Variants in FHL2 observed in about 807,000 individuals in gnomAD.
FHL2 encodes the protein four and a half LIM domains protein 2.
FHL2 carries 20 observed loss-of-function variants against 32.7 expected under a neutral mutation model. That is an observed-to-expected ratio of 0.61 (90% confidence interval 0.43 to 0.89). The LOEUF (loss-of-function observed/expected upper bound fraction) is 0.89, where lower values mean the gene tolerates loss of function less well. FHL2 is among the 40% of genes least tolerant of loss of function. The pLI is 0.00. For synonymous variants in FHL2, 123 were observed against 128.1 expected (o/e 0.96, Z 0.27); for missense variants, 311 against 358.6 (o/e 0.87, Z 1.07).
intron 2 of FHL2, 75 bp from the exon 3 acceptor site, chr2:105,386,615 C>T: frequency 7.7e-7 from 1 of 1,306,734 alleles, no homozygotes. Context: ...CATTAACTGT[C>T]CCACTGTCTG....
At chr2:105,359,752 G>C (rs532291442), downstream of FHL2, 1 of 152,296 alleles carries the variant, frequency 6.6e-6, no homozygotes, top group East Asian at 1.9e-4. Context: ...CAGAAACACT[G>C]AAGGCTCCCA....
intron 1 of FHL2, among the ~76,000 whole-genome samples, chr2:105,413,838 T>A (rs1683861559): frequency 6.6e-6 from 1 of 152,164 alleles, no homozygotes; most frequent in African/African-American, 2.4e-5. Flanking sequence ...TGACCCCAGA[T>A]GGGGGTAATT....
At chr2:105,399,298 G>T, upstream of FHL2, 1 of 1,535,832 alleles carries the variant, frequency 6.5e-7, no homozygotes. Context: ...CGTCGCCTCC[G>T]GCGTGGGCTC....
At chr2:105,366,217 GA>G (rs1019121245) in intron 5 of FHL2, among the ~76,000 whole-genome samples, 32 of 140,606 alleles carry the variant, frequency 2.3e-4, no homozygotes, top group East Asian at 6.2e-4. Context: ...CTCAAAAAAA[GA>G]AAAAAAAAAA....
chr2:105,406,713 A>C (rs1157249779), intron 1 of FHL2, among the ~76,000 whole-genome samples: 1 of 152,184 alleles, frequency 6.6e-6, no homozygotes, highest in African/African-American at 2.4e-5. Flanking sequence ...GAAAATGATG[A>C]GGTCAGGAAA....
intron 1 of FHL2, among the ~76,000 whole-genome samples, chr2:105,411,230 C>T (rs1683778691): frequency 6.6e-6 from 1 of 152,190 alleles, no homozygotes; most frequent in Admixed American, 6.5e-5. Context: ...GCGTCCTAAA[C>T]TGTAGATGCA....
chr2:105,428,576 C>A lies in FHL2; in HGVS notation c.-25+9823G>T, dbSNP rs1684331996. Among the ~76,000 whole-genome samples the A allele has an allele frequency of 2.0e-5, 3 of 152,340 alleles. No individual in the cohort carries two copies. The South Asian group carries it at 6.2e-4, about 32-fold the overall frequency. ...CTACTACCCTCTCCTGCGGACAGGC[C>A]CGCCCATGGCTGCCCCATGACCATG... On this transcript the variant is annotated intron_variant, in intron 1 of 5. Transcript: ENST00000393352.
chr2:105,382,089 C>T (rs964939664), intron 3 of FHL2, among the ~76,000 whole-genome samples: 1 of 152,212 alleles, frequency 6.6e-6, no homozygotes, highest in African/African-American at 2.4e-5. Context: ...GCCAAAATAT[C>T]ACTGAACATT....
At chr2:105,403,369 G>A (rs373243180), upstream of FHL2, among the ~76,000 whole-genome samples, 1 of 152,204 alleles carries the variant, frequency 6.6e-6, no homozygotes. Context: ...AAGGATCAAC[G>A]GTGACTGTGA....
chr2:105,394,235 AG>A (rs977970257), intron 2 of FHL2, among the ~76,000 whole-genome samples: 2 of 152,122 alleles, frequency 1.3e-5, no homozygotes, highest in African/African-American at 4.8e-5. Flanking sequence ...TAAAACGGAG[AG>A]GGCCATCATG....
At chr2:105,435,629 C>T (rs751104763) in intron 1 of FHL2, among the ~76,000 whole-genome samples, 2 of 143,764 alleles carry the variant, frequency 1.4e-5, no homozygotes, top group Non-Finnish European at 3.0e-5. Flanking sequence ...CATGACCAGC[C>T]TGGCCAACAT....
chr2:105,361,671 T>C (rs764796888), intron 6 of FHL2, among the ~76,000 whole-genome samples: 1 of 152,164 alleles, frequency 6.6e-6, no homozygotes, highest in Admixed American at 6.5e-5. Flanking sequence ...ATGGGATAAG[T>C]GCGATCAAAG....
At chr2:105,418,189 A>G (rs1437210101) in intron 1 of FHL2, among the ~76,000 whole-genome samples, 1 of 152,056 alleles carries the variant, frequency 6.6e-6, no homozygotes, top group Non-Finnish European at 1.5e-5. Context: ...ATCTGTCCTT[A>G]TTTTTGACTC....
intron 3 of FHL2, among the ~76,000 whole-genome samples, chr2:105,384,289 T>C (rs922693558): frequency 6.6e-6 from 1 of 152,234 alleles, no homozygotes; most frequent in Non-Finnish European, 1.5e-5. Flanking sequence ...GACATTTTTA[T>C]TGATGTTTCC....
chr2:105,384,844 C>A (rs958791392), intron 3 of FHL2, among the ~76,000 whole-genome samples: 1 of 152,148 alleles, frequency 6.6e-6, no homozygotes, highest in South Asian at 2.1e-4. Flanking sequence ...GAGATGTGCA[C>A]GGAAGGGTCA....
downstream of FHL2, chr2:105,360,506 A>AG (rs1680179026): frequency 6.6e-6 from 1 of 152,042 alleles, no homozygotes; most frequent in African/African-American, 2.4e-5. Context: ...ACAGGCGCTC[A>AG]CCACCACACC....
At chr2:105,378,722 C>T (rs1286342938) in intron 3 of FHL2, 1 of 152,826 alleles carries the variant, frequency 6.5e-6, no homozygotes, top group African/African-American at 2.4e-5. Flanking sequence ...AATATGCGTG[C>T]AGCAGTTCCT....
At chr2:105,392,709 G>C (rs911208539) in intron 2 of FHL2, among the ~76,000 whole-genome samples, 2 of 150,310 alleles carry the variant, frequency 1.3e-5, no homozygotes, top group Admixed American at 1.3e-4. Context: ...GAAACAGAAA[G>C]AGTAAAGAGA....
At chr2:105,399,648 C>T (rs900393597), upstream of FHL2, 1 of 1,490,730 alleles carries the variant, frequency 6.7e-7, no homozygotes, top group African/African-American at 1.4e-5. Flanking sequence ...GATTCCCCTC[C>T]AGGGCGGGAA....
Sources: gnomAD v4.1 joint callset for allele counts (sites outside exome capture counted in the v4.1 genomes callset) on GRCh38, gnomAD v4.1.1 for gene constraint, MANE v1.5 for transcripts, NCBI Gene and HGNC (gene_info 2026-07-23, HGNC 2026-07-21) for gene names.